Variants in CSMD1 observed in about 807,000 individuals in gnomAD.
CSMD1 encodes CUB and Sushi multiple domains 1.
Under a neutral mutation model 417.5 loss-of-function variants are expected in CSMD1, and 213 were observed. The observed-to-expected ratio is 0.51, with a 90% CI of 0.46 to 0.57. The LOEUF is 0.57. Ranked by LOEUF, CSMD1 falls within the 20% of genes least tolerant of loss-of-function variation. The pLI, the probability that CSMD1 is intolerant of heterozygous loss-of-function variation, is 0.00. For synonymous variants in CSMD1, 2,862 were observed against 1,736.8 expected (o/e 1.65, Z -16.11); for missense variants, 6,923 against 4,529.7 (o/e 1.53, Z -15.17).
rs552987229 is a variant in CSMD1 at position 3,086,413 on chromosome 8, G to C, written c.7474+684C>G. On this transcript the variant is annotated intron_variant, in intron 49 of 69. Coordinates refer to ENST00000635120, the MANE Select transcript of CSMD1 (RefSeq NM_033225.6). ...ATTACTGTCTCACAAAGCAATACCAGAAAATCTAATATCTAATGAAACTGA... is the reference window on the plus strand; with the variant it reads ...ATTACTGTCTCACAAAGCAATACCACAAAATCTAATATCTAATGAAACTGA... Among the ~76,000 whole-genome samples, 399 of 152,146 alleles carry C rather than the reference G, an allele frequency of 2.6e-3. 2 individuals carry two copies. The highest frequency in any genetic ancestry group is 4.6e-3 in the Non-Finnish European group (316 of 68,018).
intron 2 of CSMD1, among the ~76,000 whole-genome samples, chr8:4,603,899 C>T (rs1433311453): frequency 6.6e-6 from 1 of 151,834 alleles, no homozygotes; most frequent in African/African-American, 2.4e-5. Flanking sequence ...ATAAGTATTA[C>T]TCTGGGGGAT....
At chr8:4,714,285 T>C (rs1808504191) in intron 1 of CSMD1, among the ~76,000 whole-genome samples, 1 of 152,156 alleles carries the variant, frequency 6.6e-6, no homozygotes, top group Non-Finnish European at 1.5e-5. Flanking sequence ...ACAGATGCCA[T>C]CTTTTTTCTC....
At chr8:4,418,339 A>G (rs1187838388) in intron 3 of CSMD1, among the ~76,000 whole-genome samples, 1 of 152,148 alleles carries the variant, frequency 6.6e-6, no homozygotes, top group Non-Finnish European at 1.5e-5. Context: ...TCCAACATAG[A>G]CAATCTTGCC....
chr8:4,165,666 G>T (rs1371509848), intron 3 of CSMD1, among the ~76,000 whole-genome samples: 1 of 152,148 alleles, frequency 6.6e-6, no homozygotes, highest in Non-Finnish European at 1.5e-5. Flanking sequence ...GCCTCCCAAA[G>T]TGCCGGAATT....
chr8:4,358,348 G>C (rs1305364126), intron 3 of CSMD1, among the ~76,000 whole-genome samples: 5 of 152,168 alleles, frequency 3.3e-5, no homozygotes, highest in African/African-American at 7.2e-5. Context: ...CATGAGCTTA[G>C]AATGATTTTA....
chr8:3,945,227 G>T (rs1811141447), intron 5 of CSMD1, among the ~76,000 whole-genome samples: 1 of 147,650 alleles, frequency 6.8e-6, no homozygotes, highest in Non-Finnish European at 1.5e-5. Context: ...CTGGAAAATT[G>T]TCTTTAGACG....
At chr8:3,615,122 C>A (rs1431621885) in intron 8 of CSMD1, among the ~76,000 whole-genome samples, 1 of 152,170 alleles carries the variant, frequency 6.6e-6, no homozygotes, top group Non-Finnish European at 1.5e-5. Context: ...CTTCTGTTAG[C>A]TGCCAGCTGG....
At chr8:3,854,911 T>C (rs1267180349) in intron 5 of CSMD1, among the ~76,000 whole-genome samples, 1 of 152,150 alleles carries the variant, frequency 6.6e-6, no homozygotes, top group African/African-American at 2.4e-5. Context: ...TCGCAAAGCA[T>C]TTCTAACATG....
At chr8:2,939,799 T>G (rs1276127264) in intron 69 of CSMD1, among the ~76,000 whole-genome samples, 1 of 152,194 alleles carries the variant, frequency 6.6e-6, no homozygotes, top group Non-Finnish European at 1.5e-5. Context: ...TCCGTGACAT[T>G]GTGCTTGGAA....
intron 5 of CSMD1, among the ~76,000 whole-genome samples, chr8:3,968,371 C>T (rs1026450628): frequency 4.6e-5 from 7 of 152,126 alleles, no homozygotes; most frequent in African/African-American, 1.4e-4. Flanking sequence ...AACCTGGGCA[C>T]CAGCTCAGTG....
chr8:3,832,285 A>T (rs1196318542), intron 5 of CSMD1, among the ~76,000 whole-genome samples: 6 of 152,138 alleles, frequency 3.9e-5, no homozygotes, highest in African/African-American at 1.4e-4. Context: ...AGTACACGGG[A>T]TTATTTTAAT....
intron 18 of CSMD1, among the ~76,000 whole-genome samples, chr8:3,376,097 G>A (rs1012889982): frequency 6.6e-6 from 1 of 152,036 alleles, no homozygotes; most frequent in African/African-American, 2.4e-5. Flanking sequence ...TATGCTGATA[G>A]ATTTTAAACT....
chr8:4,531,062 T>A (rs1162755016), intron 2 of CSMD1, among the ~76,000 whole-genome samples: 1 of 152,188 alleles, frequency 6.6e-6, no homozygotes, highest in East Asian at 1.9e-4. Context: ...TGATACTCTA[T>A]CATTTTTTGT....
chr8:3,027,666 G>T (rs190562893), intron 51 of CSMD1, among the ~76,000 whole-genome samples: 456 of 152,266 alleles, frequency 3.0e-3, no homozygotes, highest in African/African-American at 0.01. Context: ...ACAAATTTGT[G>T]GCCCGAGACA....
At chr8:3,272,252 G>C (rs370450824) in intron 26 of CSMD1, among the ~76,000 whole-genome samples, 1 of 134,666 alleles carries the variant, frequency 7.4e-6, no homozygotes, top group East Asian at 2.2e-4. Flanking sequence ...GATATGCGGC[G>C]TTATTTCTGA....
chr8:4,261,489 G>C (rs777019574), intron 3 of CSMD1, among the ~76,000 whole-genome samples: 11 of 152,248 alleles, frequency 7.2e-5, no homozygotes, highest in South Asian at 4.1e-4. Flanking sequence ...CTAATGTACA[G>C]CATGGTTACT....
At chr8:4,791,560 T>C (rs567151749) in intron 1 of CSMD1, among the ~76,000 whole-genome samples, 19 of 152,318 alleles carry the variant, frequency 1.2e-4, no homozygotes, top group African/African-American at 4.1e-4. Context: ...TTGTCTCTTT[T>C]TGGCTAGAAA....
chr8:3,794,559 C>T (rs544013696), intron 5 of CSMD1, among the ~76,000 whole-genome samples: 2 of 152,086 alleles, frequency 1.3e-5, no homozygotes, highest in Admixed American at 1.3e-4. Flanking sequence ...TTCCTGCCAT[C>T]AAAGTGCTAG....
chr8:4,448,483 C>T (rs893203038), intron 2 of CSMD1, among the ~76,000 whole-genome samples: 1 of 152,146 alleles, frequency 6.6e-6, no homozygotes, highest in African/African-American at 2.4e-5. Flanking sequence ...CAGACAACAG[C>T]AGAAAGGAAG....
Sources: gnomAD v4.1 joint callset for allele counts (sites outside exome capture counted in the v4.1 genomes callset) on GRCh38, gnomAD v4.1.1 for gene constraint, MANE v1.5 for transcripts, NCBI Gene and HGNC (gene_info 2026-07-23, HGNC 2026-07-21) for gene names.